RXFP2: variants seen among roughly 807,000 people sequenced by gnomAD.
The protein encoded by RXFP2 is relaxin family peptide receptor 2, also known as relaxin receptor 2.
Under a neutral mutation model 88.6 loss-of-function variants are expected in RXFP2, and 68 were observed. The observed-to-expected ratio is 0.77, with a 90% confidence interval of 0.63 to 0.94. The LOEUF is 0.94. Ranked by LOEUF, RXFP2 falls within the 40% of genes least tolerant of loss-of-function variation. The pLI is 0.00. For missense variants in RXFP2, 791 were observed against 893.9 expected, an observed-to-expected ratio of 0.88 and a Z score of 1.47; for synonymous variants, 329 against 306.8, an observed-to-expected ratio of 1.07 and a Z score of -0.76.
chr13:31,803,085 G>A lies in RXFP2; in HGVS notation c.*680G>A, dbSNP rs370485609. 12 of 152,198 alleles carry A rather than the reference G, an allele frequency of 7.9e-5. No homozygotes were observed. The East Asian group carries it at 9.6e-4, about 12-fold the overall frequency. 9.4% of individuals were successfully genotyped at this position (152,198 alleles called of 1,614,324 possible). A position where few individuals can be genotyped will look rare whatever the true frequency, so the allele number is the denominator to read the frequency against. On this transcript the variant is annotated 3_prime_UTR_variant, in exon 18 of 18. Coordinates refer to ENST00000298386, the MANE Select transcript of RXFP2 (RefSeq NM_130806.5). ...AAGATATTTTTCTGAAGGTTGCCCA[G>A]GGCACAAACAAATTGGACACTTTCA... is the stretch of plus-strand genomic sequence containing the variant.
intron 2 of RXFP2, 30 bp downstream of exon 2, chr13:31,758,434 G>A: frequency 1.2e-6 from 2 of 1,613,344 alleles, no homozygotes; most frequent in Non-Finnish European, 1.7e-6. Context: ...CCCCATGTGT[G>A]CCTCACTTTA....
intron 1 of RXFP2, among the ~76,000 whole-genome samples, chr13:31,754,758 CA>C (rs1468084375): frequency 6.6e-6 from 1 of 152,080 alleles, no homozygotes; most frequent in East Asian, 1.9e-4. Flanking sequence ...CTTCAGCTTT[CA>C]AAAGAGATTT....
chr13:31,754,388 G>A (rs1442272403), intron 1 of RXFP2, among the ~76,000 whole-genome samples: 4 of 152,106 alleles, frequency 2.6e-5, no homozygotes, highest in African/African-American at 9.7e-5. Flanking sequence ...AAAAATAGCC[G>A]GGCGTGGTGG....
At position 31,758,569 on chromosome 13, in the gene RXFP2, G is replaced by C. The variant is rs113391411; in HGVS notation, c.241+165G>C. ...GACTCCCCAATGTATTTGTGATAAC[G>C]ACCTGAATTTTTGTAGGTACAGGTT... On this transcript the variant is annotated intron_variant, in intron 2 of 17. Transcript: ENST00000298386. Among the ~76,000 whole-genome samples the C allele has an allele frequency of 3.2e-3, 480 of 152,210 alleles. 3 individuals are homozygous for C. Among genetic ancestry groups the C allele is most frequent in the African/African-American group, 0.011 (466 of 41,540 alleles).
chr13:31,790,387 G>A (rs1307828455), intron 14 of RXFP2, among the ~76,000 whole-genome samples: 1 of 152,164 alleles, frequency 6.6e-6, no homozygotes, highest in African/African-American at 2.4e-5. Context: ...GGAAGGAGAA[G>A]AAAAGAGTTC....
Position 31,741,993 on chromosome 13 carries a change from G to C in RXFP2, c.94+2287G>C, listed in dbSNP as rs76430077. On this transcript the variant is annotated intron_variant, in intron 1 of 17. Coordinates refer to ENST00000298386, the MANE Select transcript of RXFP2 (RefSeq NM_130806.5). Reference sequence around the variant, plus strand: ...TAACTATCTTGCGTTAACGTAATTAGACTGGGAACTCCAAAGCCACAGGCA... The same window carrying C: ...TAACTATCTTGCGTTAACGTAATTACACTGGGAACTCCAAAGCCACAGGCA... 8.2e-3 allele frequency among the ~76,000 whole-genome samples: 1,255 copies of C among 152,160 alleles called. 7 individuals carry two copies. The highest frequency in any genetic ancestry group is 0.017 in the African/African-American group (715 of 41,522).
At position 31,792,799 on chromosome 13, in the gene RXFP2, G is replaced by A. The variant is rs371720092; in HGVS notation, c.1497G>A (p.Gly499=). Residue 499 remains glycine, a synonymous_variant, in exon 16 of 18, where the codon GGG becomes GGA. Transcript: ENST00000298386. Reference sequence around the variant, plus strand: ...AGAGCGTGCAGTGCCGCCTCATGGGGTTCCTGGCCATGCTGTCCACCGAAG... The same window carrying A: ...AGAGCGTGCAGTGCCGCCTCATGGGATTCCTGGCCATGCTGTCCACCGAAG... ...WMESVQCRLM[G]FLAMLSTEVS... The A allele has an allele frequency of 8.1e-6, 13 of 1,614,144 alleles. No individual in the cohort carries two copies. The highest frequency in any genetic ancestry group is 1.1e-5 in the South Asian group (1 of 91,076).
intron 2 of RXFP2, among the ~76,000 whole-genome samples, chr13:31,759,130 T>C (rs1186220535): frequency 2.6e-5 from 4 of 151,528 alleles, no homozygotes; most frequent in African/African-American, 9.7e-5. Context: ...GTGCCTGCTA[T>C]GTGCCAGGAG....
intron 5 of RXFP2, among the ~76,000 whole-genome samples, chr13:31,771,504 A>G (rs758908606): frequency 3.3e-5 from 5 of 152,162 alleles, no homozygotes; most frequent in Non-Finnish European, 7.3e-5. Flanking sequence ...ATCCATAGAA[A>G]AATTGGCCAG....
chr13:31,797,784 C>T (rs1874128163), intron 17 of RXFP2, among the ~76,000 whole-genome samples: 1 of 152,116 alleles, frequency 6.6e-6, no homozygotes, highest in African/African-American at 2.4e-5. Context: ...TGTAAAAATT[C>T]CCCTGTGATT....
At chr13:31,755,329 C>T (rs1365726053) in intron 1 of RXFP2, among the ~76,000 whole-genome samples, 1 of 152,092 alleles carries the variant, frequency 6.6e-6, no homozygotes, top group Non-Finnish European at 1.5e-5. Context: ...GCTCATCCCA[C>T]ATAACTTTAA....
At position 31,782,678 on chromosome 13, in the gene RXFP2, T is replaced by C; in HGVS notation, c.860T>C (p.Phe287Ser). The change falls in exon 11 of 18, where the codon TTT (phenylalanine) becomes TCT (serine). Residue 287 changes from phenylalanine to serine, a missense_variant and splice_region_variant. Transcript: ENST00000298386. ...CTGATTCTCGCCATGTCTTACAGGT[T>C]TCTGCCTAGAAATCAAATTGGTTTT... ...FLSCDSLTVL[F>S]LPRNQIGFVP... 6.2e-7 allele frequency: 1 copy of C among 1,610,680 alleles called. No individual in the cohort carries two copies. Among genetic ancestry groups the C allele is most frequent in the Non-Finnish European group, 8.5e-7 (1 of 1,176,878 alleles).
chr13:31,797,220 T>C lies in RXFP2; in HGVS notation c.1806T>C (p.Phe602=), dbSNP rs376314948. The change falls in exon 17 of 18, where the codon TTT becomes TTC. Residue 602 remains phenylalanine, a synonymous_variant. Coordinates refer to ENST00000298386, the MANE Select transcript of RXFP2 (RefSeq NM_130806.5). ...GIFLGVNLLA[F]LIIVFSYITM... ...CAACAGGTGTGAACTTGCTGGCTTT[T>C]CTCATCATTGTGTTTTCCTATATTA... 28 of 1,613,426 alleles carry C rather than the reference T, an allele frequency of 1.7e-5. No individual in the cohort carries two copies. The highest frequency in any genetic ancestry group is 5.3e-5 in the African/African-American group (4 of 74,908).
At chr13:31,749,384 T>C (rs1356670661) in intron 1 of RXFP2, among the ~76,000 whole-genome samples, 1 of 152,232 alleles carries the variant, frequency 6.6e-6, no homozygotes, top group Non-Finnish European at 1.5e-5. Flanking sequence ...CCTCTCTCCT[T>C]GTTCTCCTTC....
chr13:31,784,745 C>T (rs1012879251), intron 11 of RXFP2, among the ~76,000 whole-genome samples: 2 of 152,198 alleles, frequency 1.3e-5, no homozygotes, highest in African/African-American at 4.8e-5. Context: ...TGATGGCCAG[C>T]TTCTTCACCT....
rs187593143 is a variant in RXFP2 at position 31,771,822 on chromosome 13, A to G, written c.498-2798A>G. Among the ~76,000 whole-genome samples, 328 of 152,086 alleles carry G rather than the reference A, an allele frequency of 2.2e-3. 1 individual carries two copies. Among genetic ancestry groups the G allele is most frequent in the African/African-American group, 7.5e-3 (310 of 41,490 alleles). The stretch of plus-strand genomic sequence containing the variant: ...AAAAAAAGAAAGAAAGAAAGAAAAA[A>G]GAAAAATTGTCTTCTACGAAACCGT... On this transcript the variant is annotated intron_variant, in intron 5 of 17. Transcript: ENST00000298386.
At chr13:31,767,638 T>C (rs1399301605) in intron 5 of RXFP2, among the ~76,000 whole-genome samples, 1 of 152,178 alleles carries the variant, frequency 6.6e-6, no homozygotes, top group East Asian at 1.9e-4. Flanking sequence ...AATTAAATCT[T>C]CTCATTACAC....
At chr13:31,782,796 A>G in intron 11 of RXFP2, 49 bp downstream of exon 11, 1 of 1,186,258 alleles carries the variant, frequency 8.4e-7, no homozygotes, top group East Asian at 2.4e-5. Context: ...TTCCGAGATT[A>G]TAAATTTAAA....
At chr13:31,795,348 C>T (rs1342402625) in intron 16 of RXFP2, among the ~76,000 whole-genome samples, 4 of 152,072 alleles carry the variant, frequency 2.6e-5, no homozygotes, top group Non-Finnish European at 5.9e-5. Flanking sequence ...CCAGGTTTCA[C>T]CACGTTGGCC....
Sources: allele counts gnomAD v4.1 joint callset (sites outside exome capture counted in the v4.1 genomes callset), GRCh38; gene constraint gnomAD v4.1.1; transcripts MANE v1.5; gene names NCBI Gene and HGNC (gene_info 2026-07-23, HGNC 2026-07-21).